The following RAB6A variants were observed in gnomAD, a reference collection of about 807,000 sequenced individuals.
RAB6A encodes ras-related protein Rab-6A.
In RAB6A, 8 loss-of-function variants were observed where a neutral mutation model predicts 32.3. The ratio of observed to expected loss-of-function variants is 0.25; its 90% CI spans 0.15 to 0.45. RAB6A has a LOEUF of 0.45. RAB6A is among the 20% of genes least tolerant of loss of function. The probability of loss-of-function intolerance (pLI) is 1.00; values close to 1 mark genes in which losing one functional copy is unlikely to be tolerated. For missense variants in RAB6A, 104 were observed against 249.4 expected, an observed-to-expected ratio of 0.42 and a Z score of 3.93; for synonymous variants, 73 against 82.1, an observed-to-expected ratio of 0.89 and a Z score of 0.60.
At chr11:73,680,180 T>C (rs1565342628) in intron 6 of RAB6A, among the ~76,000 whole-genome samples, 1 of 152,098 alleles carries the variant, frequency 6.6e-6, no homozygotes, top group Non-Finnish European at 1.5e-5. Context: ...ATATACCAAA[T>C]ACAAAGAGGT....
intron 1 of RAB6A, among the ~76,000 whole-genome samples, chr11:73,740,589 A>G (rs1003149179): frequency 6.7e-6 from 1 of 149,604 alleles, no homozygotes; most frequent in Non-Finnish European, 1.5e-5. Flanking sequence ...AGTTAATTTA[A>G]AAAAAAAAAA....
At chr11:73,739,284 A>AAATATATATATAT (rs1208877325) in intron 1 of RAB6A, among the ~76,000 whole-genome samples, 3 of 6,760 alleles carry the variant, frequency 4.4e-4, no homozygotes, top group African/African-American at 6.5e-4. Context: ...AAAAAAAAAA[A>AAATATATATATAT]ATATATATAT....
intron 1 of RAB6A, among the ~76,000 whole-genome samples, chr11:73,757,803 A>G (rs1946784211): frequency 6.6e-6 from 1 of 152,194 alleles, no homozygotes; most frequent in East Asian, 1.9e-4. Context: ...AGAGTGTAAC[A>G]TAGGCTACTA....
chr11:73,718,913 T>TAAAAA, intron 3 of RAB6A, 195 bp from the exon 4 acceptor site: 1 of 1,165,882 alleles, frequency 8.6e-7, no homozygotes, highest in Non-Finnish European at 1.1e-6. Context: ...AAAAAATAAA[T>TAAAAA]AAAAAAAAAA....
intron 2 of RAB6A, chr11:73,722,735 T>C (rs1042229822): frequency 6.9e-6 from 1 of 144,846 alleles, no homozygotes; most frequent in Non-Finnish European, 1.6e-5. Flanking sequence ...ATTACATAAA[T>C]TGATTATCTA....
chr11:73,753,933 G>A (rs1343099417), intron 1 of RAB6A, among the ~76,000 whole-genome samples: 1 of 152,166 alleles, frequency 6.6e-6, no homozygotes, highest in African/African-American at 2.4e-5. Flanking sequence ...ACCTGACACT[G>A]TAGCAATTTT....
chr11:73,710,614 G>A (rs1229128188), intron 5 of RAB6A, among the ~76,000 whole-genome samples: 2 of 151,932 alleles, frequency 1.3e-5, no homozygotes, highest in African/African-American at 2.4e-5. Flanking sequence ...GTGCATCCCT[G>A]TAGTCCCAGC....
Position 73,679,642 on chromosome 11 carries a change from T to A in RAB6A, c.562+12A>T, listed in dbSNP as rs1311896075. 1 of 1,613,724 alleles carries A rather than the reference T, an allele frequency of 6.2e-7. No homozygotes were observed. The highest frequency in any genetic ancestry group is 2.2e-5 in the East Asian group (1 of 44,862). ...TAATAATGAAAAATTTCCAATGAAA[T>A]AAAAAGGATACTATCTTCTCTGCTT... is the stretch of plus-strand genomic sequence containing the variant. On this transcript the variant is annotated intron_variant, in intron 7 of 7. Coordinates refer to ENST00000336083, the MANE Select transcript of RAB6A (RefSeq NM_198896.2).
intron 6 of RAB6A, among the ~76,000 whole-genome samples, chr11:73,690,652 C>T (rs1239425694): frequency 6.8e-6 from 1 of 147,092 alleles, no homozygotes. Flanking sequence ...AGAAGAGACA[C>T]CGGAGGGTGG....
At chr11:73,693,556 CTTTTTTTTTTT>C (rs891656563) in intron 6 of RAB6A, among the ~76,000 whole-genome samples, 2 of 119,034 alleles carry the variant, frequency 1.7e-5, no homozygotes, top group African/African-American at 6.2e-5. Flanking sequence ...AAGACTCCAT[CTTTTTTTTTTT>C]TTTTTTTTTT....
At chr11:73,678,964 G>A (rs1327934816) in intron 7 of RAB6A, among the ~76,000 whole-genome samples, 1 of 152,028 alleles carries the variant, frequency 6.6e-6, no homozygotes, top group African/African-American at 2.4e-5. Flanking sequence ...GACCTCAGGT[G>A]ATCCACCTGC....
At chr11:73,747,516 TA>T (rs1231789063) in intron 1 of RAB6A, among the ~76,000 whole-genome samples, 3 of 141,276 alleles carry the variant, frequency 2.1e-5, no homozygotes, top group African/African-American at 8.0e-5. Flanking sequence ...GCCTCTAAGA[TA>T]AAATCTTACA....
chr11:73,757,296 C>T (rs796620847), intron 1 of RAB6A, among the ~76,000 whole-genome samples: 10 of 150,398 alleles, frequency 6.6e-5, no homozygotes, highest in African/African-American at 2.2e-4. Context: ...GGCTCCCACC[C>T]GCCATCATAC....
intron 4 of RAB6A, 95 bp from the exon 5 acceptor site, chr11:73,716,457 AG>A (rs1020757786): frequency 5.0e-6 from 4 of 803,512 alleles, no homozygotes; most frequent in Middle Eastern, 4.6e-4. Context: ...GGAAGTTGGA[AG>A]GGGGCTGGCA....
chr11:73,743,167 T>C (rs539277087), intron 1 of RAB6A, among the ~76,000 whole-genome samples: 31 of 151,822 alleles, frequency 2.0e-4, no homozygotes, highest in Non-Finnish European at 4.3e-4. Context: ...TAGCCAGATC[T>C]TGTGGTGGGC....
rs1344558214 is a variant in RAB6A at position 73,707,101 on chromosome 11, A to G, written c.495+319T>C. 2.0e-5 allele frequency among the ~76,000 whole-genome samples: 3 copies of G among 150,128 alleles called. No individual in the cohort carries two copies. The East Asian group carries it at 5.9e-4, about 30-fold the overall frequency. The stretch of plus-strand genomic sequence containing the variant: ...CCATTGCATTCAAGCCTCGGCAACA[A>G]GAGCGAAACTCCATCTCAAAAAAGA... On this transcript the variant is annotated intron_variant, in intron 6 of 7. Coordinates refer to ENST00000336083, the MANE Select transcript of RAB6A (RefSeq NM_198896.2).
chr11:73,707,486 C>T lies in RAB6A; in HGVS notation c.429G>A (p.Arg143=). ...ACATAACATTCAGCTCTTTGGCTTTCCTCTCTCCCTCCTCAATTGACACTT... is the reference window on the plus strand; with the variant it reads ...ACATAACATTCAGCTCTTTGGCTTTTCTCTCTCCCTCCTCAATTGACACTT... ...KRQVSIEEGE[R]KAKELNVMFI... The change falls in exon 6 of 8, where the codon AGG becomes AGA. Residue 143 remains arginine (R), a synonymous_variant. Transcript: ENST00000336083. 4 of 1,613,162 alleles carry T rather than the reference C, an allele frequency of 2.5e-6. No homozygotes were observed. Among genetic ancestry groups the T allele is most frequent in the Non-Finnish European group, 3.4e-6 (4 of 1,179,290 alleles).
intron 2 of RAB6A, among the ~76,000 whole-genome samples, chr11:73,724,414 T>C (rs1946185523): frequency 6.6e-6 from 1 of 152,010 alleles, no homozygotes; most frequent in African/African-American, 2.4e-5. Flanking sequence ...TTACAAATTA[T>C]GCAGCTAGGT....
At chr11:73,705,264 C>G (rs1945819770) in intron 6 of RAB6A, among the ~76,000 whole-genome samples, 1 of 151,814 alleles carries the variant, frequency 6.6e-6, no homozygotes, top group African/African-American at 2.4e-5. Context: ...AAAGAGAAAG[C>G]CAGCTGGGTG....
Sources: gnomAD v4.1 joint callset for allele counts (sites outside exome capture counted in the v4.1 genomes callset) on GRCh38, gnomAD v4.1.1 for gene constraint, MANE v1.5 for transcripts, NCBI Gene and HGNC (gene_info 2026-07-23, HGNC 2026-07-21) for gene names.